The following CKAP5 variants were observed in gnomAD, a reference collection of about 807,000 sequenced individuals.
CKAP5 encodes the protein cytoskeleton associated protein 5, also known as cytoskeleton-associated protein 5.
CKAP5 carries 27 observed loss-of-function variants against 232.8 expected under a neutral mutation model. The ratio of observed to expected loss-of-function variants is 0.12; its 90% CI spans 0.09 to 0.16. The LOEUF (loss-of-function observed/expected upper bound fraction) is 0.16, where lower values mean the gene tolerates loss of function less well. Among genes scored for constraint, CKAP5 ranks in the 10% least tolerant of loss-of-function variants. The pLI is 1.00. For synonymous variants in CKAP5, 785 were observed against 841.1 expected, an observed-to-expected ratio of 0.93 and a Z score of 1.16; for missense variants, 1,838 against 2,424.7, an observed-to-expected ratio of 0.76 and a Z score of 5.08.
chr11:46,842,327 T>C (rs1940074707), intron 1 of CKAP5, among the ~76,000 whole-genome samples: 1 of 152,190 alleles, frequency 6.6e-6, no homozygotes, highest in African/African-American at 2.4e-5. Context: ...AAGGGGACAG[T>C]CTGATTCCAT....
chr11:46,774,544 A>C (rs1312842077), intron 24 of CKAP5, among the ~76,000 whole-genome samples: 2 of 152,204 alleles, frequency 1.3e-5, no homozygotes, highest in Admixed American at 1.3e-4. Flanking sequence ...AATCCTAAGT[A>C]AAAAGAACAA....
At chr11:46,794,943 A>G (rs1938834499) in intron 13 of CKAP5, among the ~76,000 whole-genome samples, 2 of 152,234 alleles carry the variant, frequency 1.3e-5, no homozygotes, top group African/African-American at 4.8e-5. Flanking sequence ...ATAGAGTTTC[A>G]GTGTTAAAAC....
At position 46,770,940 on chromosome 11, in the gene CKAP5, T is replaced by C; in HGVS notation, c.3034A>G (p.Thr1012Ala). ...LAEKLPTLRSTPTDLILCVPH... is the reference protein window; with the variant it reads ...LAEKLPTLRSAPTDLILCVPH... ...ACACAAAGGATAAGGTCTGTAGGGG[T>C]GGAACGAAGAGTAGGTAGTTTCTCA... Residue 1012 changes from threonine (T) to alanine (A), a missense_variant, in exon 25 of 44, where the codon ACC becomes GCC. This residue lies in a region of CKAP5 where 767 missense variants were observed against 954.6 expected (regional missense o/e 0.80). Coordinates refer to ENST00000529230, the MANE Select transcript of CKAP5 (RefSeq NM_001008938.4). 1.9e-6 allele frequency: 3 copies of C among 1,613,608 alleles called. No homozygotes were observed. The highest frequency in any genetic ancestry group is 2.5e-6 in the Non-Finnish European group (3 of 1,179,782).
At chr11:46,798,825 T>C (rs1938959139) in intron 9 of CKAP5, among the ~76,000 whole-genome samples, 1 of 152,210 alleles carries the variant, frequency 6.6e-6, no homozygotes, top group Non-Finnish European at 1.5e-5. Context: ...AGAGGGTAAA[T>C]TTTATAGTAT....
intron 4 of CKAP5, among the ~76,000 whole-genome samples, chr11:46,813,661 C>A (rs1939325408): frequency 6.6e-6 from 1 of 152,082 alleles, no homozygotes; most frequent in Non-Finnish European, 1.5e-5. Flanking sequence ...ACTATAGACT[C>A]TGAAATGCTT....
chr11:46,783,597 GTTT>G (rs66522172), intron 17 of CKAP5, among the ~76,000 whole-genome samples: 17 of 141,626 alleles, frequency 1.2e-4, no homozygotes, highest in East Asian at 2.0e-4. Context: ...GCATTATAAT[GTTT>G]TTTTTTTTTT....
At chr11:46,745,514 C>A (rs1318386221) in intron 42 of CKAP5, among the ~76,000 whole-genome samples, 1 of 152,158 alleles carries the variant, frequency 6.6e-6, no homozygotes, top group Non-Finnish European at 1.5e-5. Flanking sequence ...CGTTGAACAT[C>A]CCCAAAAAGG....
At chr11:46,788,542 C>G (rs2065418704) in intron 16 of CKAP5, 139 bp downstream of exon 16, 1 of 560,434 alleles carries the variant, frequency 1.8e-6, no homozygotes, top group Non-Finnish European at 3.1e-6. Flanking sequence ...CCATTGCACT[C>G]CAGCCTGGGC....
chr11:46,744,620 T>G, intron 42 of CKAP5, 43 bp from the exon 43 acceptor site: 2 of 1,574,092 alleles, frequency 1.3e-6, no homozygotes, highest in African/African-American at 1.4e-5. Context: ...TATCCACATA[T>G]CCCCCTTCTA....
intron 4 of CKAP5, 114 bp from the exon 5 acceptor site, chr11:46,811,292 G>C (rs1288827423): frequency 2.4e-6 from 2 of 850,922 alleles, no homozygotes; most frequent in African/African-American, 3.5e-5. Flanking sequence ...AATTATATAA[G>C]TTCAGTTTTT....
At chr11:46,810,186 G>C (rs1939243812) in intron 5 of CKAP5, among the ~76,000 whole-genome samples, 1 of 152,062 alleles carries the variant, frequency 6.6e-6, no homozygotes, top group South Asian at 2.1e-4. Flanking sequence ...TGGCCAGGCT[G>C]GTCTTGAACT....
chr11:46,768,302 T>TA (rs1257955939), intron 26 of CKAP5, among the ~76,000 whole-genome samples: 2 of 150,752 alleles, frequency 1.3e-5, no homozygotes, highest in Non-Finnish European at 3.0e-5. Flanking sequence ...ACAGTCCTCC[T>TA]ACCTCAGCCT....
intron 2 of CKAP5, among the ~76,000 whole-genome samples, chr11:46,819,485 A>T (rs1451377394): frequency 6.6e-6 from 1 of 152,186 alleles, no homozygotes; most frequent in Non-Finnish European, 1.5e-5. Flanking sequence ...GTTAAATGAG[A>T]AGTTAGTTTG....
In CKAP5 at chr11:46,837,280, G is replaced by A. The variant is rs117050961; in HGVS notation, c.-38+8940C>T. On this transcript the variant is annotated intron_variant, in intron 1 of 43. Transcript: ENST00000529230. ...AGGGGAGGAGGCTAGAATGATCTAT[G>A]TGATAATGGATCAGAATTGGAGACA... is the stretch of plus-strand genomic sequence containing the variant. Among the ~76,000 whole-genome samples, 39 of 152,236 alleles carry A rather than the reference G, an allele frequency of 2.6e-4. No individual in the cohort carries two copies. In the East Asian group the frequency reaches 7.3e-3, roughly 29 times the overall value.
In CKAP5 at chr11:46,798,301, A is replaced by ACAGTG. The variant is rs1156889188; in HGVS notation, c.1084-134_1084-130dup. ...AAAAAAAGCCAGTCACAGGCTGGGC[A>ACAGTG]CAGTGACTCATGCCTGTAATCCCAG... On this transcript the variant is annotated intron_variant, in intron 9 of 43. Transcript: ENST00000529230. The ACAGTG allele has an allele frequency of 5.8e-4, 405 of 693,358 alleles. 2 individuals are homozygous for ACAGTG. The highest frequency in any genetic ancestry group is 2.4e-4 in the Non-Finnish European group (98 of 412,266). The allele number at this position is 693,358 out of a possible 1,614,324, so 43.0% of individuals were successfully genotyped here.
chr11:46,759,499 A>G (rs1237547312), intron 33 of CKAP5, 57 bp from the exon 34 acceptor site: 1 of 1,518,742 alleles, frequency 6.6e-7, no homozygotes, highest in East Asian at 2.3e-5. Context: ...CCAAAGGGCA[A>G]GAGTAGCACT....
chr11:46,749,745 G>A (rs2065048884), intron 42 of CKAP5, among the ~76,000 whole-genome samples: 1 of 151,936 alleles, frequency 6.6e-6, no homozygotes, highest in African/African-American at 2.4e-5. Context: ...CCTGAGGTCA[G>A]GAGTTCCAGA....
In CKAP5 at chr11:46,751,570, G is replaced by A. The variant is rs143653032; in HGVS notation, c.5134-36C>T. On this transcript the variant is annotated intron_variant, in intron 38 of 43. Transcript: ENST00000529230. ...AAGAATAAAAGAGTTAGGAGTGACTGAAGAATGAGGATAATTTGTCACCAT... is the reference window on the plus strand; with the variant it reads ...AAGAATAAAAGAGTTAGGAGTGACTAAAGAATGAGGATAATTTGTCACCAT... 6.6e-6 allele frequency: 10 copies of A among 1,508,250 alleles called. No individual in the cohort carries two copies. The East Asian group carries it at 1.6e-4, about 24-fold the overall frequency. The allele number at this position is 1,508,250 out of a possible 1,614,324, so 93.4% of individuals were successfully genotyped here.
intron 7 of CKAP5, among the ~76,000 whole-genome samples, chr11:46,809,003 C>G (rs1478835039): frequency 6.6e-6 from 1 of 152,022 alleles, no homozygotes; most frequent in Non-Finnish European, 1.5e-5. Flanking sequence ...TGGATAAAAG[C>G]CAAAGATGCT....
Sources: gnomAD v4.1 joint callset for allele counts (sites outside exome capture counted in the v4.1 genomes callset) on GRCh38, gnomAD v4.1.1 for gene constraint, gnomAD v4.1.1 regional missense constraint, MANE v1.5 for transcripts, NCBI Gene and HGNC (gene_info 2026-07-23, HGNC 2026-07-21) for gene names.